The following NDST3 variants were observed in gnomAD, a reference collection of about 807,000 sequenced individuals.
NDST3 encodes the protein N-deacetylase and N-sulfotransferase 3, also known as bifunctional heparan sulfate N-deacetylase/N-sulfotransferase 3.
Under a neutral mutation model 96.1 loss-of-function variants are expected in NDST3, and 58 were observed. The ratio of observed to expected loss-of-function variants is 0.60; its 90% CI spans 0.49 to 0.75. NDST3 has a LOEUF of 0.75. NDST3 is among the 30% of genes least tolerant of loss of function. The pLI is 0.00. For missense variants in NDST3, 788 were observed against 1,034.2 expected (o/e 0.76, Z 3.27); for synonymous variants, 333 against 359.7 (o/e 0.93, Z 0.84).
chr4:118,041,001 G>A (rs936098807), intron 1 of NDST3, among the ~76,000 whole-genome samples: 1 of 151,296 alleles, frequency 6.6e-6, no homozygotes, highest in Non-Finnish European at 1.5e-5. Context: ...GCCCACCTCA[G>A]CCTCCCCTCG....
intron 4 of NDST3, among the ~76,000 whole-genome samples, chr4:118,115,902 T>C (rs1424469723): frequency 6.6e-6 from 1 of 152,182 alleles, no homozygotes; most frequent in African/African-American, 2.4e-5. Context: ...TCTTTTAGCT[T>C]CAATCTACTC....
intron 12 of NDST3, among the ~76,000 whole-genome samples, chr4:118,248,409 C>A (rs183287044): frequency 5.9e-5 from 9 of 152,180 alleles, no homozygotes; most frequent in Admixed American, 3.3e-4. Context: ...AATCTTGGTG[C>A]CCCTGCCCAC....
At chr4:118,207,892 G>C (rs76748255) in intron 6 of NDST3, among the ~76,000 whole-genome samples, 9,256 of 144,068 alleles carry the variant, frequency 0.064, 1,653 homozygotes, top group African/African-American at 0.17. Flanking sequence ...TTGAATCTAT[G>C]GTTCAGATTT....
chr4:118,257,515 TATAAA>T lies in NDST3; in HGVS notation c.*1807_*1811del, dbSNP rs1200916146. The T allele has an allele frequency of 6.6e-6, 1 of 152,158 alleles. No individual in the cohort carries two copies. Among genetic ancestry groups the T allele is most frequent in the African/African-American group, 2.4e-5 (1 of 41,428 alleles). 9.4% of individuals were successfully genotyped at this position (152,158 alleles called of 1,614,324 possible). A position where few individuals can be genotyped will look rare whatever the true frequency, so the allele number is the denominator to read the frequency against. Reference sequence around the variant, plus strand: ...ATTCCCTGCTATGATTATAAGCCTTTATAAAATATTATCAAAGGTATGATTAGAAA... The same window carrying T: ...ATTCCCTGCTATGATTATAAGCCTTTATATTATCAAAGGTATGATTAGAAA... On this transcript the variant is annotated 3_prime_UTR_variant, in exon 14 of 14. Coordinates refer to ENST00000296499, the MANE Select transcript of NDST3 (RefSeq NM_004784.3).
At chr4:118,068,752 T>C (rs921012721) in intron 2 of NDST3, among the ~76,000 whole-genome samples, 1 of 152,128 alleles carries the variant, frequency 6.6e-6, no homozygotes, top group Non-Finnish European at 1.5e-5. Context: ...CCTATTATTT[T>C]TTCCTGTAGA....
At chr4:118,117,419 T>A (rs2125868861) in intron 4 of NDST3, among the ~76,000 whole-genome samples, 1 of 152,284 alleles carries the variant, frequency 6.6e-6, no homozygotes, top group African/African-American at 2.4e-5. Context: ...TCCTTAAGTT[T>A]AAAAGTTTAC....
intron 4 of NDST3, among the ~76,000 whole-genome samples, chr4:118,125,548 A>T (rs533796557): frequency 1.5e-4 from 23 of 152,164 alleles, no homozygotes; most frequent in African/African-American, 5.5e-4. Context: ...TTCCATCCTT[A>T]AGTATGTAGA....
At chr4:118,115,294 C>G (rs1374126562) in intron 4 of NDST3, among the ~76,000 whole-genome samples, 3 of 152,034 alleles carry the variant, frequency 2.0e-5, no homozygotes, top group Non-Finnish European at 4.4e-5. Context: ...AACAATTCCC[C>G]AACAAAATGA....
intron 6 of NDST3, among the ~76,000 whole-genome samples, chr4:118,186,624 G>A (rs1187586689): frequency 6.6e-6 from 1 of 152,172 alleles, no homozygotes; most frequent in East Asian, 1.9e-4. Context: ...ATTAAAGTGG[G>A]TCTGCCTTTC....
At chr4:118,092,739 G>A (rs547009212) in intron 2 of NDST3, among the ~76,000 whole-genome samples, 1 of 151,766 alleles carries the variant, frequency 6.6e-6, no homozygotes, top group Non-Finnish European at 1.5e-5. Context: ...CTGTAGTGAA[G>A]GGAACACACA....
At chr4:118,202,373 G>C (rs1446258910) in intron 6 of NDST3, among the ~76,000 whole-genome samples, 1 of 152,128 alleles carries the variant, frequency 6.6e-6, no homozygotes, top group African/African-American at 2.4e-5. Context: ...TTGGTAGTTT[G>C]ATAGGAATAG....
chr4:118,193,538 A>C lies in NDST3; in HGVS notation c.1540-30953A>C, dbSNP rs1737453609. 21 of 997,640 alleles carry C rather than the reference A, an allele frequency of 2.1e-5. 1 individual carries two copies. In the South Asian group the frequency reaches 2.6e-4, roughly 12 times the overall value. 61.8% of individuals were successfully genotyped at this position (997,640 alleles called of 1,614,324 possible). A position where few individuals can be genotyped will look rare whatever the true frequency, so the allele number is the denominator to read the frequency against. On this transcript the variant is annotated intron_variant, in intron 6 of 13. Coordinates refer to ENST00000296499, the MANE Select transcript of NDST3 (RefSeq NM_004784.3). ...GTTCTCTTCCTCAGCCAGCCTCTCAAACGTGTTGGCGTAGAGCGTCTTCTC... is the reference window on the plus strand; with the variant it reads ...GTTCTCTTCCTCAGCCAGCCTCTCACACGTGTTGGCGTAGAGCGTCTTCTC...
chr4:118,096,408 T>C (rs557056667), intron 2 of NDST3, among the ~76,000 whole-genome samples: 26 of 151,980 alleles, frequency 1.7e-4, no homozygotes, highest in Non-Finnish European at 2.8e-4. Context: ...GTTATCATAC[T>C]TTGCCAAAAC....
intron 6 of NDST3, among the ~76,000 whole-genome samples, chr4:118,214,973 C>T (rs1739097288): frequency 6.6e-6 from 1 of 152,152 alleles, no homozygotes; most frequent in Non-Finnish European, 1.5e-5. Context: ...TGCTAGGAAA[C>T]TAGCAGTGAT....
chr4:118,107,406 C>T (rs1349356386), intron 3 of NDST3, among the ~76,000 whole-genome samples: 1 of 151,946 alleles, frequency 6.6e-6, no homozygotes, highest in Non-Finnish European at 1.5e-5. Context: ...AAACTGATTA[C>T]ATGTATTGGT....
chr4:118,219,479 G>C (rs1459931009), intron 6 of NDST3, among the ~76,000 whole-genome samples: 4 of 152,086 alleles, frequency 2.6e-5, no homozygotes, highest in African/African-American at 9.7e-5. Flanking sequence ...GGAAAAACTG[G>C]CTAGCCATAT....
At chr4:118,109,680 A>G (rs4616829) in intron 3 of NDST3, among the ~76,000 whole-genome samples, 114,556 of 152,084 alleles carry the variant, frequency 0.75, 45,797 homozygotes, top group South Asian at 0.92. Flanking sequence ...GAGGGAAAAG[A>G]TACAAAATTT....
At chr4:118,157,497 C>G (rs1734792706) in intron 6 of NDST3, among the ~76,000 whole-genome samples, 1 of 150,678 alleles carries the variant, frequency 6.6e-6, no homozygotes, top group South Asian at 2.1e-4. Context: ...GTGATCTCAG[C>G]TCACTGCCTC....
chr4:118,078,685 G>A (rs1325166886), intron 2 of NDST3, among the ~76,000 whole-genome samples: 1 of 150,980 alleles, frequency 6.6e-6, no homozygotes, highest in East Asian at 2.0e-4. Context: ...AGAGGCAGGG[G>A]TTGCAGTGAG....
Sources: gnomAD v4.1 joint callset for allele counts (sites outside exome capture counted in the v4.1 genomes callset) on GRCh38, gnomAD v4.1.1 for gene constraint, MANE v1.5 for transcripts, NCBI Gene and HGNC (gene_info 2026-07-23, HGNC 2026-07-21) for gene names.